Variants in GGACT observed in about 807,000 individuals in gnomAD.
The protein encoded by GGACT is gamma-glutamylamine cyclotransferase, also known as gamma-glutamylaminecyclotransferase.
For missense variants in GGACT, 241 were observed against 233.2 expected (o/e 1.03, Z -0.22); for synonymous variants, 118 against 115.3 (o/e 1.02, Z -0.15).
At chr13:100,549,084 G>A (rs372633851) in intron 2 of GGACT, among the ~76,000 whole-genome samples, 16 of 152,330 alleles carry the variant, frequency 1.1e-4, no homozygotes, top group African/African-American at 2.9e-4. Context: ...GCAAGGGCTC[G>A]CGGCTGTAAT....
chr13:100,573,988 T>C (rs932815498), intron 2 of GGACT, among the ~76,000 whole-genome samples: 3 of 150,906 alleles, frequency 2.0e-5, no homozygotes, highest in African/African-American at 7.3e-5. Flanking sequence ...CAGTTTGGAG[T>C]TTTCAGAGAA....
chr13:100,568,751 C>T (rs1162758589), intron 2 of GGACT, among the ~76,000 whole-genome samples: 1 of 152,208 alleles, frequency 6.6e-6, no homozygotes, highest in African/African-American at 2.4e-5. Context: ...AAAGTCTCAT[C>T]TGATACAAAG....
chr13:100,577,919 C>T (rs2039179214), intron 2 of GGACT, among the ~76,000 whole-genome samples: 1 of 151,774 alleles, frequency 6.6e-6, no homozygotes, highest in African/African-American at 2.4e-5. Flanking sequence ...AAATTCAAGG[C>T]CAATTTGTAC....
chr13:100,584,357 G>C (rs937792101), intron 1 of GGACT, among the ~76,000 whole-genome samples: 6 of 152,148 alleles, frequency 3.9e-5, no homozygotes, highest in Non-Finnish European at 8.8e-5. Flanking sequence ...GTTATGTGAC[G>C]TGAAATAACC....
At chr13:100,561,975 G>A (rs34004613) in intron 2 of GGACT, among the ~76,000 whole-genome samples, 2,841 of 152,272 alleles carry the variant, frequency 0.019, 82 homozygotes, top group East Asian at 0.15. Flanking sequence ...AAGGTCATGC[G>A]GCAGAGTCTG....
intron 2 of GGACT, among the ~76,000 whole-genome samples, chr13:100,540,416 CAT>C (rs775601902): frequency 1.7e-4 from 26 of 152,068 alleles, no homozygotes; most frequent in Non-Finnish European, 3.4e-4. Context: ...CATAATTGTT[CAT>C]AATATTCTCT....
chr13:100,532,578 A>T lies in GGACT; in HGVS notation c.14T>A (p.Phe5Tyr). The T allele has an allele frequency of 2.6e-6, 4 of 1,545,204 alleles. No individual in the cohort carries two copies. The highest frequency in any genetic ancestry group is 3.5e-6 in the Non-Finnish European group (4 of 1,143,582). ...ACCCCGCTTCAGGGTGCCGTACACG[A>T]AGACTAGGGCCATCCGGGCAGAGCT... The part of the protein sequence containing the change: MALV[F>Y]VYGTLKRGQP... Residue 5 changes from phenylalanine (F) to tyrosine (Y), a missense_variant, in exon 3 of 3, where the codon TTC (phenylalanine) becomes TAC (tyrosine). Physicochemically the swap from Phe to Tyr is conservative, Grantham distance 22. Coordinates refer to ENST00000683975, the MANE Select transcript of GGACT (RefSeq NM_001195087.2).
intron 2 of GGACT, among the ~76,000 whole-genome samples, chr13:100,559,536 C>T (rs1173645680): frequency 6.6e-6 from 1 of 151,712 alleles, no homozygotes; most frequent in Non-Finnish European, 1.5e-5. Context: ...GCTCGGTCGC[C>T]GAGGCTGGGG....
chr13:100,540,860 C>T (rs550197889), intron 2 of GGACT, among the ~76,000 whole-genome samples: 12 of 152,356 alleles, frequency 7.9e-5, no homozygotes, highest in African/African-American at 2.9e-4. Context: ...GAGAAAATGT[C>T]GGGCTCCTCT....
At chr13:100,550,355 C>CACACCACTTTTAAAAG (rs1566532562) in intron 2 of GGACT, among the ~76,000 whole-genome samples, 1 of 122,476 alleles carries the variant, frequency 8.2e-6, no homozygotes, top group African/African-American at 3.5e-5. Flanking sequence ...CACACACACA[C>CACACCACTTTTAAAAG]CACTGGCCCT....
At chr13:100,557,168 G>A (rs1049290189) in intron 2 of GGACT, among the ~76,000 whole-genome samples, 22 of 152,218 alleles carry the variant, frequency 1.4e-4, no homozygotes, top group African/African-American at 4.8e-4. Context: ...TGGGATTACA[G>A]GCTTTAGCCA....
chr13:100,572,194 T>C (rs1217889600), intron 2 of GGACT, among the ~76,000 whole-genome samples: 1 of 152,146 alleles, frequency 6.6e-6, no homozygotes, highest in Non-Finnish European at 1.5e-5. Flanking sequence ...CACAATGGAA[T>C]ATTACAGAGC....
chr13:100,588,024 C>T (rs1177178222), intron 1 of GGACT, among the ~76,000 whole-genome samples: 1 of 152,120 alleles, frequency 6.6e-6, no homozygotes. Context: ...AGACTTCATC[C>T]CAAACAATAA....
At chr13:100,532,714 G>A (rs1056921284) in intron 2 of GGACT, 113 bp from the exon 3 acceptor site, 2 of 759,858 alleles carry the variant, frequency 2.6e-6, no homozygotes, top group Non-Finnish European at 4.2e-6. Flanking sequence ...ACCTGAATGC[G>A]CCTGGCTGTG....
chr13:100,531,706 G>A lies in GGACT; in HGVS notation c.*424C>T, dbSNP rs1167521974. 3 of 165,500 alleles carry A rather than the reference G, an allele frequency of 1.8e-5. No individual in the cohort carries two copies. Among genetic ancestry groups the A allele is most frequent in the Non-Finnish European group, 2.6e-5 (2 of 77,358 alleles). 10.3% of individuals were successfully genotyped at this position (165,500 alleles called of 1,614,324 possible). On this transcript the variant is annotated 3_prime_UTR_variant, in exon 3 of 3. Coordinates refer to ENST00000683975, the MANE Select transcript of GGACT (RefSeq NM_001195087.2). ...TTTTCTACAAATTCTACCCAGCCGTGTAAAATCGGCTTTCTCAGGGGTTAC... is the reference window on the plus strand; with the variant it reads ...TTTTCTACAAATTCTACCCAGCCGTATAAAATCGGCTTTCTCAGGGGTTAC...
intron 2 of GGACT, chr13:100,538,168 A>T (rs1270894214): frequency 6.6e-6 from 1 of 152,230 alleles, no homozygotes; most frequent in Non-Finnish European, 1.5e-5. Context: ...CTCTGGCCCG[A>T]AGCTGGTGAG....
intron 2 of GGACT, among the ~76,000 whole-genome samples, chr13:100,550,345 CACACACACA>C (rs2088649972): frequency 1.0e-4 from 5 of 47,850 alleles, no homozygotes; most frequent in African/African-American, 3.2e-4. Flanking sequence ...CACACACACA[CACACACACA>C]CCACTGGCCC....
chr13:100,555,053 T>C (rs1377409367), intron 2 of GGACT, among the ~76,000 whole-genome samples: 1 of 152,244 alleles, frequency 6.6e-6, no homozygotes, highest in African/African-American at 2.4e-5. Flanking sequence ...TTAAAAACCC[T>C]TGCCCAGAGG....
rs1188946716 is a variant in GGACT at position 100,542,937 on chromosome 13, A to C, written c.-10-10336T>G. Among the ~76,000 whole-genome samples the C allele has an allele frequency of 5.9e-5, 9 of 152,250 alleles. No homozygotes were observed. The East Asian group carries it at 1.7e-3, about 29-fold the overall frequency. On this transcript the variant is annotated intron_variant, in intron 2 of 2. Coordinates refer to ENST00000683975, the MANE Select transcript of GGACT (RefSeq NM_001195087.2). ...TAGTTTCATATTTCACCACTGAAGC[A>C]GAACTTGAAAGTGATTACGAGTCCT... is the stretch of plus-strand genomic sequence containing the variant.
Sources: allele counts gnomAD v4.1 joint callset (sites outside exome capture counted in the v4.1 genomes callset), GRCh38; gene constraint gnomAD v4.1.1; transcripts MANE v1.5; gene names NCBI Gene and HGNC (gene_info 2026-07-23, HGNC 2026-07-21).